The following KAZN variants were observed in gnomAD, a reference collection of about 807,000 sequenced individuals.
KAZN encodes kazrin, periplakin interacting protein.
In KAZN, 40 loss-of-function variants were observed where a neutral mutation model predicts 87.4. The observed-to-expected ratio is 0.46, with a 90% CI of 0.36 to 0.60. The LOEUF is 0.60. Among genes scored for constraint, KAZN ranks in the 20% least tolerant of loss-of-function variants. The pLI, the probability that KAZN is intolerant of heterozygous loss-of-function variation, is 0.00. For synonymous variants in KAZN, 466 were observed against 458.3 expected, an observed-to-expected ratio of 1.02 and a Z score of -0.22; for missense variants, 898 against 1,073.9, an observed-to-expected ratio of 0.84 and a Z score of 2.29.
chr1:14,278,835 T>C (rs1453711074), intron 2 of KAZN, among the ~76,000 whole-genome samples: 2 of 152,134 alleles, frequency 1.3e-5, no homozygotes, highest in Non-Finnish European at 2.9e-5. Context: ...ATTTTTTTAG[T>C]CTGTGCATGT....
intron 1 of KAZN, among the ~76,000 whole-genome samples, chr1:14,046,014 C>G (rs1177003253): frequency 6.6e-6 from 1 of 152,154 alleles, no homozygotes; most frequent in Non-Finnish European, 1.5e-5. Context: ...AGAGAACAGA[C>G]AAGGTCCATT....
At chr1:14,580,564 C>T (rs1359644680) in intron 2 of KAZN, among the ~76,000 whole-genome samples, 3 of 152,018 alleles carry the variant, frequency 2.0e-5, no homozygotes, top group South Asian at 2.1e-4. Context: ...GTGTGGCTGA[C>T]GTTAGTGGAT....
Position 14,541,993 on chromosome 1 carries a change from G to A in KAZN, c.250-56990G>A, listed in dbSNP as rs75512705. ...GGCGATTGTCAGCCTCTCTGATACAGCATAGAACATTTCCTCCAAAAAGCA... is the reference window on the plus strand; with the variant it reads ...GGCGATTGTCAGCCTCTCTGATACAACATAGAACATTTCCTCCAAAAAGCA... On this transcript the variant is annotated intron_variant, in intron 2 of 16. Transcript: ENST00000636203. 7.9e-4 allele frequency among the ~76,000 whole-genome samples: 120 copies of A among 152,272 alleles called. 3 individuals carry two copies. In the East Asian group the frequency reaches 0.019, roughly 24 times the overall value.
intron 1 of KAZN, among the ~76,000 whole-genome samples, chr1:14,147,381 T>G (rs1403250776): frequency 6.6e-6 from 1 of 152,214 alleles, no homozygotes; most frequent in Non-Finnish European, 1.5e-5. Flanking sequence ...ATTTACTAGC[T>G]TGGGTTAAGT....
At chr1:14,614,864 G>C (rs1339339803) in intron 1 of KAZN, among the ~76,000 whole-genome samples, 1 of 152,230 alleles carries the variant, frequency 6.6e-6, no homozygotes, top group East Asian at 1.9e-4. Flanking sequence ...GAGATCTCTG[G>C]AGTCCATTGC....
At chr1:14,937,331 G>A (rs746829227) in intron 1 of KAZN, among the ~76,000 whole-genome samples, 4 of 152,122 alleles carry the variant, frequency 2.6e-5, no homozygotes, top group African/African-American at 7.2e-5. Context: ...TCCCTTTCTA[G>A]TTCCCTGCAG....
intron 3 of KAZN, among the ~76,000 whole-genome samples, chr1:15,036,977 A>T (rs1226753816): frequency 6.6e-6 from 1 of 152,166 alleles, no homozygotes; most frequent in East Asian, 1.9e-4. Flanking sequence ...GCAGGGGCTT[A>T]CAGGGCCTGG....
At chr1:14,438,690 C>G (rs1300319997) in intron 2 of KAZN, among the ~76,000 whole-genome samples, 1 of 152,210 alleles carries the variant, frequency 6.6e-6, no homozygotes, top group Non-Finnish European at 1.5e-5. Context: ...TCATGGAGGG[C>G]TTGTCAGCCA....
chr1:13,984,401 T>A (rs1638911596), intron 1 of KAZN, among the ~76,000 whole-genome samples: 1 of 152,246 alleles, frequency 6.6e-6, no homozygotes, highest in Non-Finnish European at 1.5e-5. Flanking sequence ...AATGACAGTA[T>A]TTCTCTCATA....
At chr1:14,962,843 T>G (rs1398821) in intron 2 of KAZN, among the ~76,000 whole-genome samples, 12,387 of 152,036 alleles carry the variant, frequency 0.081, 1,669 homozygotes, top group African/African-American at 0.28. Context: ...CCTACAGGGA[T>G]GGCGGCGGCG....
intron 2 of KAZN, among the ~76,000 whole-genome samples, chr1:14,514,619 A>ATATTTTATATTTTTTTTATATTT (rs1557770564): frequency 1.9e-5 from 1 of 53,146 alleles, no homozygotes; most frequent in Non-Finnish European, 3.5e-5. Context: ...ATATATATAT[A>ATATTTTATATTTTTTTTATATTT]TATATATATA....
chr1:14,628,707 G>A (rs1007746459), intron 1 of KAZN, among the ~76,000 whole-genome samples: 6 of 152,292 alleles, frequency 3.9e-5, no homozygotes, highest in South Asian at 2.1e-4. Flanking sequence ...GGGTCCCACC[G>A]TCCCTGTTTC....
chr1:14,136,950 C>T (rs1645120748), intron 1 of KAZN, among the ~76,000 whole-genome samples: 1 of 152,106 alleles, frequency 6.6e-6, no homozygotes, highest in Non-Finnish European at 1.5e-5. Context: ...AAAGGCCACC[C>T]AACGCCGAGG....
intron 1 of KAZN, among the ~76,000 whole-genome samples, chr1:14,753,865 C>T (rs910320062): frequency 6.6e-6 from 1 of 152,218 alleles, no homozygotes; most frequent in African/African-American, 2.4e-5. Context: ...ATGAAGACTC[C>T]AGCAGATTCA....
intron 1 of KAZN, among the ~76,000 whole-genome samples, chr1:14,103,812 T>C (rs1186385609): frequency 1.3e-5 from 2 of 152,280 alleles, no homozygotes; most frequent in South Asian, 4.1e-4. Context: ...CCCTTTGCCA[T>C]GTAAGGTATC....
intron 1 of KAZN, among the ~76,000 whole-genome samples, chr1:14,048,252 T>C (rs1642161813): frequency 6.6e-6 from 1 of 152,196 alleles, no homozygotes; most frequent in Admixed American, 6.5e-5. Flanking sequence ...TCTGGCCAAA[T>C]GTATCTCAAT....
chr1:14,435,275 G>A (rs1188031301), intron 2 of KAZN, among the ~76,000 whole-genome samples: 2 of 152,112 alleles, frequency 1.3e-5, no homozygotes, highest in Non-Finnish European at 1.5e-5. Flanking sequence ...ACAGGTGCAC[G>A]GTGGCCATCC....
chr1:13,893,330 C>A (rs1443531461), exon 1 of KAZN: 1 of 217,898 alleles, frequency 4.6e-6, no homozygotes, highest in Non-Finnish European at 9.0e-6. Context: ...AGCCCCGGGC[C>A]GGGGGGCAAG....
intron 1 of KAZN, among the ~76,000 whole-genome samples, chr1:14,762,240 G>T (rs1373378925): frequency 6.6e-6 from 1 of 152,196 alleles, no homozygotes; most frequent in Non-Finnish European, 1.5e-5. Context: ...CCATTCGATG[G>T]GGAAGGGCCT....
Sources: allele counts gnomAD v4.1 joint callset (sites outside exome capture counted in the v4.1 genomes callset), GRCh38; gene constraint gnomAD v4.1.1; transcripts MANE v1.5; gene names NCBI Gene and HGNC (gene_info 2026-07-23, HGNC 2026-07-21).